CIMAP3: variants seen among roughly 807,000 people sequenced by gnomAD.
CIMAP3 encodes the protein ciliary microtubule associated protein 3, also known as ciliary microtubule-associated protein 3.
At chr1:111,343,751 C>A in the CIMAP3 span, among the ~76,000 whole-genome samples, 1,203 of 152,310 alleles carry the variant, frequency 7.9e-3, 16 homozygotes, top group African/African-American at 0.027. Context: ...TTTTGCATCA[C>A]TCAGGATGTA....
the CIMAP3 span, chr1:111,350,179 T>G: frequency 6.2e-7 from 1 of 1,614,066 alleles, no homozygotes; most frequent in Non-Finnish European, 8.5e-7. Context: ...ATCTCCAGAC[T>G]GGGCTCAGGT....
chr1:111,343,647 A>G, the CIMAP3 span, among the ~76,000 whole-genome samples: 1 of 152,240 alleles, frequency 6.6e-6, no homozygotes, highest in South Asian at 2.1e-4. Flanking sequence ...TATTATCATT[A>G]CACAGATGGT....
chr1:111,333,696 C>T, the CIMAP3 span, among the ~76,000 whole-genome samples: 101 of 152,254 alleles, frequency 6.6e-4, 2 homozygotes, highest in South Asian at 0.02. Context: ...TCCATTCTGC[C>T]CTCCTGGACT....
the CIMAP3 span, among the ~76,000 whole-genome samples, chr1:111,330,091 A>G: frequency 1.3e-5 from 2 of 151,926 alleles, no homozygotes; most frequent in East Asian, 3.9e-4. Flanking sequence ...GTATTGCTTT[A>G]TTGTGATTTT....
the CIMAP3 span, among the ~76,000 whole-genome samples, chr1:111,335,670 C>T: frequency 2.9e-4 from 44 of 152,362 alleles, 1 homozygote; most frequent in East Asian, 7.9e-3. Flanking sequence ...ATTGCCCAGG[C>T]TTGCTTAGGT....
chr1:111,334,399 G>T, the CIMAP3 span, among the ~76,000 whole-genome samples: 1 of 152,136 alleles, frequency 6.6e-6, no homozygotes, highest in Non-Finnish European at 1.5e-5. Flanking sequence ...TAGCAGTAAA[G>T]AATCTATTAG....
chr1:111,350,137 C>T, the CIMAP3 span: 2 of 1,614,046 alleles, frequency 1.2e-6, no homozygotes, highest in South Asian at 1.1e-5. Context: ...GAAGAAGCCA[C>T]CGCCAAAAAT....
the CIMAP3 span, among the ~76,000 whole-genome samples, chr1:111,343,757 A>G: frequency 3.3e-5 from 5 of 152,318 alleles, no homozygotes; most frequent in East Asian, 9.6e-4. Context: ...ATCACTCAGG[A>G]TGTAGATGGG....
At chr1:111,350,076 T>C in the CIMAP3 span, 7 of 1,560,728 alleles carry the variant, frequency 4.5e-6, no homozygotes, top group Admixed American at 3.3e-5. Flanking sequence ...ACTAACTCAT[T>C]AGACATGATG....
At chr1:111,329,516 CATATATAT>C in the CIMAP3 span, among the ~76,000 whole-genome samples, 3,886 of 105,772 alleles carry the variant, frequency 0.037, 78 homozygotes, top group East Asian at 0.11. Context: ...CACATAAACC[CATATATAT>C]ATATATATAT....
the CIMAP3 span, chr1:111,347,137 C>T: frequency 6.3e-6 from 9 of 1,439,314 alleles, no homozygotes; most frequent in Non-Finnish European, 6.5e-6. Flanking sequence ...AGAAAAAATT[C>T]TGTGGGACTT....
chr1:111,347,606 G>T, the CIMAP3 span: 2 of 1,003,586 alleles, frequency 2.0e-6, no homozygotes, highest in African/African-American at 3.3e-5. Context: ...CTCTGACTAT[G>T]CGTTGTTTTT....
chr1:111,343,920 TTA>T, the CIMAP3 span, among the ~76,000 whole-genome samples: 1,206 of 152,322 alleles, frequency 7.9e-3, 16 homozygotes, highest in African/African-American at 0.027. Flanking sequence ...AGCATTTGCT[TTA>T]TGTTATTTCC....
chr1:111,346,701 A>G, the CIMAP3 span: 3 of 1,607,030 alleles, frequency 1.9e-6, no homozygotes, highest in Non-Finnish European at 2.6e-6. Context: ...AGCCTAGAGT[A>G]GAGGGCAGGT....
chr1:111,332,537 C>T, the CIMAP3 span, among the ~76,000 whole-genome samples: 14 of 152,120 alleles, frequency 9.2e-5, no homozygotes, highest in African/African-American at 2.4e-4. Flanking sequence ...AGGCCTGAGA[C>T]GTAGGCACAG....
the CIMAP3 span, chr1:111,348,570 CACAA>C: frequency 6.2e-7 from 1 of 1,611,812 alleles, no homozygotes; most frequent in Non-Finnish European, 8.5e-7. Flanking sequence ...GCAGGAAAAA[CACAA>C]ACAAAATTTT....
chr1:111,345,266 A>G, the CIMAP3 span, among the ~76,000 whole-genome samples: 44 of 152,368 alleles, frequency 2.9e-4, no homozygotes, highest in African/African-American at 9.6e-4. Context: ...TAAATTATAC[A>G]ATAATTTTCA....
the CIMAP3 span, among the ~76,000 whole-genome samples, chr1:111,327,826 A>G: frequency 3.0e-5 from 4 of 134,552 alleles, no homozygotes; most frequent in Non-Finnish European, 5.1e-5. Flanking sequence ...TGATTTTTTG[A>G]ATTTTTTTTT....
chr1:111,332,716 G>C, the CIMAP3 span, among the ~76,000 whole-genome samples: 1 of 152,164 alleles, frequency 6.6e-6, no homozygotes, highest in Admixed American at 6.5e-5. Context: ...GTGGCCTGTG[G>C]GACTGCTTCT....
Sources: allele counts gnomAD v4.1 joint callset (sites outside exome capture counted in the v4.1 genomes callset), GRCh38; gene constraint gnomAD v4.1.1; transcripts MANE v1.5; gene names NCBI Gene and HGNC (gene_info 2026-07-23, HGNC 2026-07-21).